TMC1: variants seen among roughly 807,000 people sequenced by gnomAD.
TMC1 encodes the protein transmembrane channel like 1.
TMC1 carries 84 observed loss-of-function variants against 105.8 expected under a neutral mutation model. The ratio of observed to expected loss-of-function variants is 0.79; its 90% confidence interval spans 0.67 to 0.95. The LOEUF is 0.95. TMC1 is among the 40% of genes least tolerant of loss of function. The pLI is 0.00. For synonymous variants in TMC1, 315 were observed against 311.5 expected (o/e 1.01, Z -0.12); for missense variants, 817 against 914.1 (o/e 0.89, Z 1.37).
chr9:72,696,023 T>G (rs575083331), intron 7 of TMC1, among the ~76,000 whole-genome samples: 24 of 152,324 alleles, frequency 1.6e-4, no homozygotes, highest in African/African-American at 5.5e-4. Flanking sequence ...AGCTTATGCT[T>G]TCCAACAGTG....
intron 5 of TMC1, among the ~76,000 whole-genome samples, chr9:72,658,332 TAA>T (rs76389787): frequency 5.3e-5 from 7 of 131,972 alleles, no homozygotes; most frequent in African/African-American, 8.3e-5. Flanking sequence ...AGACTCCGTC[TAA>T]AAAAAAAAAA....
intron 1 of TMC1, among the ~76,000 whole-genome samples, chr9:72,550,147 T>G (rs2132071246): frequency 6.6e-6 from 1 of 152,192 alleles, no homozygotes; most frequent in East Asian, 1.9e-4. Flanking sequence ...GAAGCAGGAC[T>G]TTTTTGTAAT....
intron 17 of TMC1, 29 bp from the exon 18 acceptor site, chr9:72,805,353 G>A (rs1828554512): frequency 1.2e-6 from 2 of 1,611,746 alleles, no homozygotes; most frequent in Admixed American, 3.3e-5. Context: ...ACAGAACTGT[G>A]TGTTTTAATA....
intron 1 of TMC1, among the ~76,000 whole-genome samples, chr9:72,535,794 A>G (rs1018780072): frequency 6.6e-6 from 1 of 152,200 alleles, no homozygotes; most frequent in Non-Finnish European, 1.5e-5. Context: ...TGGAAATCAT[A>G]GGGCAAGGGA....
intron 6 of TMC1, among the ~76,000 whole-genome samples, chr9:72,691,924 C>T (rs1028009013): frequency 6.6e-6 from 1 of 152,176 alleles, no homozygotes; most frequent in African/African-American, 2.4e-5. Flanking sequence ...CCTTTGTTCT[C>T]CATGGCCCTG....
At chr9:72,679,102 A>G (rs1202601407) in intron 5 of TMC1, among the ~76,000 whole-genome samples, 1 of 152,004 alleles carries the variant, frequency 6.6e-6, no homozygotes, top group Non-Finnish European at 1.5e-5. Flanking sequence ...TTTGACCCCA[A>G]AGACTTTCAG....
intron 12 of TMC1, among the ~76,000 whole-genome samples, chr9:72,764,459 C>T (rs1307668923): frequency 1.3e-5 from 2 of 152,050 alleles, no homozygotes; most frequent in African/African-American, 4.8e-5. Context: ...CATAAAAGCT[C>T]ATTTTATAGC....
chr9:72,574,873 C>G (rs1349284282), intron 1 of TMC1, among the ~76,000 whole-genome samples: 1 of 152,168 alleles, frequency 6.6e-6, no homozygotes, highest in Non-Finnish European at 1.5e-5. Context: ...CTCATTGTAA[C>G]TGTTCACTCA....
intron 2 of TMC1, among the ~76,000 whole-genome samples, chr9:72,600,691 TAAAA>T (rs1354244369): frequency 1.3e-5 from 2 of 151,892 alleles, no homozygotes; most frequent in Non-Finnish European, 2.9e-5. Context: ...ATAAGCCAAT[TAAAA>T]AAAGAAAAAA....
At chr9:72,599,741 T>C (rs896457310) in intron 2 of TMC1, among the ~76,000 whole-genome samples, 2 of 149,006 alleles carry the variant, frequency 1.3e-5, no homozygotes, top group Non-Finnish European at 3.0e-5. Flanking sequence ...ACCCAGGAGA[T>C]GGAGGTTGCA....
chr9:72,632,773 C>A (rs1011785805), intron 4 of TMC1, among the ~76,000 whole-genome samples: 1 of 151,782 alleles, frequency 6.6e-6, no homozygotes, highest in Non-Finnish European at 1.5e-5. Context: ...AAGGTTTTTA[C>A]AAAAATAAGT....
At chr9:72,795,422 A>G (rs1328157914) in intron 17 of TMC1, among the ~76,000 whole-genome samples, 1 of 152,174 alleles carries the variant, frequency 6.6e-6, no homozygotes, top group African/African-American at 2.4e-5. Context: ...TACAGAGAGA[A>G]CACCATTAGG....
chr9:72,671,925 A>C (rs1327670821), intron 5 of TMC1, among the ~76,000 whole-genome samples: 1 of 152,194 alleles, frequency 6.6e-6, no homozygotes, highest in East Asian at 1.9e-4. Context: ...ATATGCTTGG[A>C]TCCCTCACAC....
chr9:72,751,920 C>G lies in TMC1; in HGVS notation c.606C>G (p.Leu202=), dbSNP rs376768305. 10 of 1,613,316 alleles carry G rather than the reference C, an allele frequency of 6.2e-6. No individual in the cohort carries two copies. The highest frequency in any genetic ancestry group is 8.5e-6 in the Non-Finnish European group (10 of 1,179,524). ...GGATGTATGGAGTCAATATGGTTCT[C>G]TTTATCCTGACATTTAGCCTCATCA... is the stretch of plus-strand genomic sequence containing the variant. ...LRWMYGVNMV[L]FILTFSLIML... is the part of the protein sequence containing the mutation. Residue 202 remains leucine, a synonymous_variant, in exon 11 of 24, where the codon CTC becomes CTG. Coordinates refer to ENST00000297784, the MANE Select transcript of TMC1 (RefSeq NM_138691.3).
At chr9:72,612,105 A>G (rs1305144506) in intron 2 of TMC1, among the ~76,000 whole-genome samples, 1 of 152,124 alleles carries the variant, frequency 6.6e-6, no homozygotes, top group Non-Finnish European at 1.5e-5. Flanking sequence ...GCTGTGACCT[A>G]CAGGGTCATC....
intron 12 of TMC1, among the ~76,000 whole-genome samples, chr9:72,761,746 A>G (rs1196404880): frequency 6.6e-6 from 1 of 152,228 alleles, no homozygotes; most frequent in Non-Finnish European, 1.5e-5. Context: ...TTTAATCAAC[A>G]TCAACAACTC....
intron 17 of TMC1, among the ~76,000 whole-genome samples, chr9:72,802,231 A>C (rs553665203): frequency 6.8e-6 from 1 of 147,046 alleles, no homozygotes; most frequent in South Asian, 2.1e-4. Flanking sequence ...CTGTCTCTAC[A>C]TACATACATA....
chr9:72,540,394 A>G (rs1823655510), intron 1 of TMC1, among the ~76,000 whole-genome samples: 1 of 152,152 alleles, frequency 6.6e-6, no homozygotes, highest in Non-Finnish European at 1.5e-5. Flanking sequence ...CTAAGGTACA[A>G]TGGCAGAGAT....
chr9:72,683,733 TTATATATA>T lies in TMC1; in HGVS notation c.17-4942_17-4935del, dbSNP rs58007608. ...TCTGAGTTAACCTGAGTTACACATT[TTATATATA>T]TATATATATATATATATATATATAT... On this transcript the variant is annotated intron_variant, in intron 5 of 23. Transcript: ENST00000297784. 5.2e-3 allele frequency among the ~76,000 whole-genome samples: 275 copies of T among 53,396 alleles called. 3 individuals are homozygous for T. Among genetic ancestry groups the T allele is most frequent in the African/African-American group, 0.012 (198 of 16,344 alleles). 35.0% of individuals were successfully genotyped at this position (53,396 alleles called of 152,430 possible).
Sources: allele counts gnomAD v4.1 joint callset (sites outside exome capture counted in the v4.1 genomes callset), GRCh38; gene constraint gnomAD v4.1.1; transcripts MANE v1.5; gene names NCBI Gene and HGNC (gene_info 2026-07-23, HGNC 2026-07-21).